The following ZNF800 variants were observed in gnomAD, a reference collection of about 807,000 sequenced individuals.
The protein encoded by ZNF800 is zinc finger protein 800.
In ZNF800, 13 loss-of-function variants were observed where a neutral mutation model predicts 59.5. The observed-to-expected ratio is 0.22, with a 90% CI of 0.14 to 0.35. The LOEUF (loss-of-function observed/expected upper bound fraction) is 0.35, where lower values mean the gene tolerates loss of function less well. ZNF800 is among the 10% of genes least tolerant of loss of function. ZNF800 has a pLI of 1.00. For missense variants in ZNF800, 621 were observed against 783.7 expected (o/e 0.79, Z 2.48); for synonymous variants, 266 against 265.7 (o/e 1.00, Z -0.01).
chr7:127,372,123 T>A (rs141387931), intron 5 of ZNF800, among the ~76,000 whole-genome samples: 1 of 151,764 alleles, frequency 6.6e-6, no homozygotes, highest in African/African-American at 2.4e-5. Flanking sequence ...GTATAGGGAG[T>A]CTACTCATTT....
At chr7:127,373,188 A>T in intron 5 of ZNF800, 154 bp downstream of exon 5, 1 of 1,435,140 alleles carries the variant, frequency 7.0e-7, no homozygotes, top group Non-Finnish European at 9.1e-7. Context: ...TGAAGAGGTA[A>T]ATGCAATATG....
intron 1 of ZNF800, chr7:127,351,422 AC>A (rs1050745401): frequency 6.6e-6 from 1 of 152,306 alleles, no homozygotes; most frequent in African/African-American, 2.4e-5. Flanking sequence ...TTCTGAGACC[AC>A]CACCTTTAAA....
chr7:127,361,645 A>G (rs1800395788), intron 1 of ZNF800: 1 of 152,140 alleles, frequency 6.6e-6, no homozygotes, highest in African/African-American at 2.4e-5. Context: ...TAATCAAGTC[A>G]TATTTTTCTT....
In ZNF800 at chr7:127,370,990, A is replaced by G. The variant is rs1489246415; in HGVS notation, c.*824T>C. 6.6e-6 allele frequency: 1 copy of G among 152,636 alleles called. No homozygotes were observed. Among genetic ancestry groups the G allele is most frequent in the East Asian group, 1.9e-4 (1 of 5,200 alleles). 9.5% of individuals were successfully genotyped at this position (152,636 alleles called of 1,614,324 possible). ...CATGGATTGTCTGCATCCATAAAATATCAGTAAGCTATTTATTACCTTCAT... is the reference window on the plus strand; with the variant it reads ...CATGGATTGTCTGCATCCATAAAATGTCAGTAAGCTATTTATTACCTTCAT... On this transcript the variant is annotated 3_prime_UTR_variant, in exon 6 of 6. Transcript: ENST00000265827.
At position 127,374,724 on chromosome 7, in the gene ZNF800, T is replaced by G. The variant is rs748203706; in HGVS notation, c.612A>C (p.Ala204=). The G allele has an allele frequency of 6.8e-6, 11 of 1,613,932 alleles. No individual in the cohort carries two copies. Among genetic ancestry groups the G allele is most frequent in the South Asian group, 5.5e-5 (5 of 91,080 alleles). The change falls in exon 5 of 6, where the codon GCA becomes GCC. Residue 204 remains alanine (A), a synonymous_variant. Coordinates refer to ENST00000265827, the MANE Select transcript of ZNF800 (RefSeq NM_176814.5). ...CCTGAGGTTGTTCATCAGATGTAGG[T>G]GCAACTTCATCTGTAACAATCTCAA... is the stretch of plus-strand genomic sequence containing the variant. The part of the protein sequence containing the change: ...PPVEIVTDEV[A]PTSDEQPQES...
At chr7:127,361,398 G>C (rs1426609647) in intron 1 of ZNF800, 4 of 151,996 alleles carry the variant, frequency 2.6e-5, no homozygotes, top group Admixed American at 6.6e-5. Context: ...GCAACATAGA[G>C]AGACCTCATC....
chr7:127,390,014 TTATC>T (rs1294581290), intron 2 of ZNF800, among the ~76,000 whole-genome samples: 5 of 152,172 alleles, frequency 3.3e-5, no homozygotes, highest in Non-Finnish European at 5.9e-5. Context: ...AGAAAGAACT[TTATC>T]TGTCTTGTTC....
At position 127,374,075 on chromosome 7, in the gene ZNF800, G is replaced by A. The variant is rs761041591; in HGVS notation, c.1261C>T (p.Pro421Ser). 1 of 1,614,064 alleles carries A rather than the reference G, an allele frequency of 6.2e-7. No homozygotes were observed. Among genetic ancestry groups the A allele is most frequent in the East Asian group, 2.2e-5 (1 of 44,876 alleles). ...TTCTGTGGAGAATGGGTAATGGAAG[G>A]GGGTGAAGATTCTACAGAATCTGCT... The part of the protein sequence containing the change: ...EPADSVESSP[P>S]SITHSPQNEL... The change falls in exon 5 of 6, where the codon CCT (proline) becomes TCT (serine). Residue 421 changes from proline (P) to serine (S), a missense_variant. By Grantham distance (74) the Pro-to-Ser change is moderately conservative. Transcript: ENST00000265827.
downstream of ZNF800, among the ~76,000 whole-genome samples, chr7:127,365,892 G>A (rs1057371394): frequency 7.2e-5 from 11 of 152,104 alleles, no homozygotes. Context: ...ATTTCAGAAA[G>A]AAACCGATAC....
intron 1 of ZNF800, chr7:127,348,081 A>C (rs1800103220): frequency 6.6e-6 from 1 of 151,688 alleles, no homozygotes; most frequent in Non-Finnish European, 1.5e-5. Context: ...CCCAGGGAGG[A>C]AAGACAAAGA....
At chr7:127,357,139 A>G (rs1336162872) in intron 1 of ZNF800, among the ~76,000 whole-genome samples, 2 of 152,014 alleles carry the variant, frequency 1.3e-5, no homozygotes, top group Non-Finnish European at 2.9e-5. Context: ...GGTGGTAAAT[A>G]GGCTGCTTCA....
intron 2 of ZNF800, among the ~76,000 whole-genome samples, chr7:127,387,564 T>A (rs1459173387): frequency 2.0e-5 from 3 of 152,168 alleles, no homozygotes; most frequent in Non-Finnish European, 4.4e-5. Context: ...ATTTCCCCAA[T>A]TTTAAGAGAC....
At chr7:127,358,748 G>A (rs560356215) in intron 1 of ZNF800, among the ~76,000 whole-genome samples, 14 of 152,090 alleles carry the variant, frequency 9.2e-5, no homozygotes, top group Non-Finnish European at 1.5e-4. Context: ...TCCTTATAAT[G>A]TATTCCTCTT....
At chr7:127,364,944 A>C (rs890840907) in intron 1 of ZNF800, among the ~76,000 whole-genome samples, 1 of 152,112 alleles carries the variant, frequency 6.6e-6, no homozygotes, top group Non-Finnish European at 1.5e-5. Context: ...ATAACCAATC[A>C]ACTCCACTTC....
In ZNF800 at chr7:127,374,187, C is replaced by T; in HGVS notation, c.1149G>A (p.Lys383=). The change falls in exon 5 of 6, where the codon AAG becomes AAA. Residue 383 remains lysine (K), a synonymous_variant. Coordinates refer to ENST00000265827, the MANE Select transcript of ZNF800 (RefSeq NM_176814.5). The part of the protein sequence containing the change: ...MLKRHMQIVH[K]ITLSGTNSKR... ...TAGAGTTTGTTCCAGAAAGAGTTAT[C>T]TTGTGGACAATTTGCATATGTCTTT... 1 of 1,614,056 alleles carries T rather than the reference C, an allele frequency of 6.2e-7. No homozygotes were observed. Among genetic ancestry groups the T allele is most frequent in the Non-Finnish European group, 8.5e-7 (1 of 1,179,990 alleles).
intron 1 of ZNF800, among the ~76,000 whole-genome samples, chr7:127,354,722 T>A (rs1800234600): frequency 6.6e-6 from 1 of 152,132 alleles, no homozygotes; most frequent in Non-Finnish European, 1.5e-5. Flanking sequence ...AAATAATCTT[T>A]AAGAGATAGC....
chr7:127,387,500 T>C (rs1280068357), intron 2 of ZNF800, among the ~76,000 whole-genome samples: 18 of 152,230 alleles, frequency 1.2e-4, no homozygotes, highest in Admixed American at 1.2e-3. Flanking sequence ...TAGTGCTCAG[T>C]GTACACAAAC....
downstream of ZNF800, among the ~76,000 whole-genome samples, chr7:127,343,480 TACTC>T (rs1456319036): frequency 1.3e-5 from 2 of 151,892 alleles, no homozygotes; most frequent in African/African-American, 4.8e-5. Context: ...TTTAAATTGA[TACTC>T]AAGAAGTGAC....
At chr7:127,344,971 T>A (rs1800030815), downstream of ZNF800, among the ~76,000 whole-genome samples, 1 of 152,212 alleles carries the variant, frequency 6.6e-6, no homozygotes, top group African/African-American at 2.4e-5. Flanking sequence ...AAGACTGATT[T>A]ATCTAAATAA....
Sources: gnomAD v4.1 joint callset for allele counts (sites outside exome capture counted in the v4.1 genomes callset) on GRCh38, gnomAD v4.1.1 for gene constraint, MANE v1.5 for transcripts, NCBI Gene and HGNC (gene_info 2026-07-23, HGNC 2026-07-21) for gene names.